The following ZNF385D variants were observed in gnomAD, a reference collection of about 807,000 sequenced individuals.
ZNF385D encodes zinc finger protein 659.
ZNF385D carries 15 observed loss-of-function variants against 35.8 expected under a neutral mutation model. The ratio of observed to expected loss-of-function variants is 0.42; its 90% CI spans 0.28 to 0.64. ZNF385D has a LOEUF of 0.64. ZNF385D is among the 30% of genes least tolerant of loss of function. The probability of loss-of-function intolerance (pLI) is 0.23; values close to 1 mark genes in which losing one functional copy is unlikely to be tolerated. For missense variants in ZNF385D, 474 were observed against 494.6 expected (o/e 0.96, Z 0.39); for synonymous variants, 212 against 186.8 (o/e 1.13, Z -1.10).
At chr3:21,768,122 T>C (rs2070911313) in intron 3 of ZNF385D, among the ~76,000 whole-genome samples, 1 of 152,072 alleles carries the variant, frequency 6.6e-6, no homozygotes, top group Admixed American at 6.6e-5. Flanking sequence ...CACAAATGAA[T>C]GCACTAAATG....
At position 21,864,851 on chromosome 3, in the gene ZNF385D, C is replaced by G. The variant is rs1214885403; in HGVS notation, c.326-199823G>C. On this transcript the variant is annotated intron_variant, in intron 3 of 5. Coordinates refer to the ZNF385D transcript ENST00000494108. ...ATATCATTCTTTATTATTCCAATAA[C>G]TCAGAAATGTAGGTCAAGTAAATAC... Among the ~76,000 whole-genome samples, 3 of 151,858 alleles carry G rather than the reference C, an allele frequency of 2.0e-5. No homozygotes were observed. The East Asian group carries it at 5.8e-4, about 29-fold the overall frequency.
intron 4 of ZNF385D, among the ~76,000 whole-genome samples, chr3:21,444,589 G>A (rs1303668894): frequency 2.6e-5 from 4 of 151,722 alleles, no homozygotes; most frequent in South Asian, 2.1e-4. Context: ...GTTTCACCAC[G>A]TTGGCCAGGC....
chr3:21,931,762 TATA>T (rs1250331444), intron 3 of ZNF385D, among the ~76,000 whole-genome samples: 1 of 152,154 alleles, frequency 6.6e-6, no homozygotes, highest in Non-Finnish European at 1.5e-5. Context: ...ACTAGATTGT[TATA>T]ATGTTTATAC....
chr3:21,657,688 A>G (rs1234611616), intron 2 of ZNF385D, among the ~76,000 whole-genome samples: 1 of 144,100 alleles, frequency 6.9e-6, no homozygotes, highest in Non-Finnish European at 1.5e-5. Context: ...CTGTCTAAGA[A>G]AGACAGGCTT....
At chr3:22,024,526 T>C (rs934868464) in intron 3 of ZNF385D, among the ~76,000 whole-genome samples, 3 of 152,160 alleles carry the variant, frequency 2.0e-5, no homozygotes, top group East Asian at 1.9e-4. Context: ...GGAGAACTAA[T>C]AGTATAATAG....
chr3:21,861,869 C>T (rs1697072429), intron 3 of ZNF385D, among the ~76,000 whole-genome samples: 1 of 152,062 alleles, frequency 6.6e-6, no homozygotes, highest in Non-Finnish European at 1.5e-5. Context: ...CTTTGACACA[C>T]ACAGTCACAA....
In ZNF385D at chr3:22,082,053, T is replaced by A. The variant is rs182404355; in HGVS notation, c.325+86764A>T. 3.2e-3 allele frequency among the ~76,000 whole-genome samples: 481 copies of A among 151,422 alleles called. 4 individuals are homozygous for A. The highest frequency in any genetic ancestry group is 4.9e-3 in the Non-Finnish European group (332 of 67,922). ...AATTAAATAACCAATAGAAATGACT[T>A]CGAACTGCAGTGTTAAGAATTTTCT... On this transcript the variant is annotated intron_variant, in intron 3 of 5. Coordinates refer to the ZNF385D transcript ENST00000494108.
chr3:22,095,333 A>T (rs999537502), intron 3 of ZNF385D, among the ~76,000 whole-genome samples: 1 of 151,658 alleles, frequency 6.6e-6, no homozygotes, highest in East Asian at 1.9e-4. Flanking sequence ...CTGCACATCT[A>T]TTTCTTTATC....
At chr3:22,079,497 T>C (rs1700634330) in intron 3 of ZNF385D, among the ~76,000 whole-genome samples, 1 of 151,932 alleles carries the variant, frequency 6.6e-6, no homozygotes. Context: ...GAGAGATTTC[T>C]GAAGTGAATT....
intron 2 of ZNF385D, among the ~76,000 whole-genome samples, chr3:22,333,456 A>AT (rs199607971): frequency 1.3e-5 from 2 of 151,226 alleles, no homozygotes; most frequent in African/African-American, 2.4e-5. Flanking sequence ...TGCTTTGTTC[A>AT]TTTTTTTTCT....
intron 2 of ZNF385D, among the ~76,000 whole-genome samples, chr3:22,233,178 GTAT>G (rs142946929): frequency 0.16 from 23,581 of 151,886 alleles, 1,885 homozygotes; most frequent in Middle Eastern, 0.23. Context: ...AGAAATCTAT[GTAT>G]TATTATAGCT....
At chr3:22,037,493 G>A (rs1186904191) in intron 3 of ZNF385D, among the ~76,000 whole-genome samples, 1 of 151,992 alleles carries the variant, frequency 6.6e-6, no homozygotes, top group Non-Finnish European at 1.5e-5. Context: ...CGTGTCTGTT[G>A]GCTGCATAAA....
intron 3 of ZNF385D, among the ~76,000 whole-genome samples, chr3:22,048,191 G>C (rs1373055537): frequency 6.6e-6 from 1 of 151,952 alleles, no homozygotes; most frequent in Non-Finnish European, 1.5e-5. Context: ...TCTGTAGGCT[G>C]TCTCTTTACT....
chr3:22,221,104 G>A (rs544287680), intron 2 of ZNF385D, among the ~76,000 whole-genome samples: 61 of 152,106 alleles, frequency 4.0e-4, no homozygotes, highest in Middle Eastern at 3.4e-3. Context: ...CTAGTTGGCA[G>A]TGATGTATGT....
intron 2 of ZNF385D, among the ~76,000 whole-genome samples, chr3:22,195,526 G>C (rs768071473): frequency 6.6e-6 from 1 of 151,672 alleles, no homozygotes. Flanking sequence ...AGATTTTCTC[G>C]TATATGTTCT....
intron 3 of ZNF385D, among the ~76,000 whole-genome samples, chr3:21,887,354 T>C (rs1299994376): frequency 6.0e-5 from 9 of 149,620 alleles, no homozygotes; most frequent in African/African-American, 2.3e-4. Context: ...ATTAATAAAA[T>C]AGTTTGTAAA....
chr3:21,583,117 A>G (rs1460317218), intron 2 of ZNF385D, among the ~76,000 whole-genome samples: 1 of 152,142 alleles, frequency 6.6e-6, no homozygotes, highest in African/African-American at 2.4e-5. Flanking sequence ...AATTTTTCGA[A>G]AAACACAAAA....
At position 21,600,268 on chromosome 3, in the gene ZNF385D, T is replaced by C. The variant is rs1207139021; in HGVS notation, c.166-35584A>G. ...CTCTACTTTCTTAATAAACTTGCTT[T>C]CACTTTATGAACTTGCCCTGAATTT... On this transcript the variant is annotated intron_variant, in intron 2 of 7. Coordinates refer to ENST00000281523, the MANE Select transcript of ZNF385D (RefSeq NM_024697.3). Among the ~76,000 whole-genome samples the C allele has an allele frequency of 2.0e-5, 3 of 152,186 alleles. No homozygotes were observed. In the East Asian group the frequency reaches 5.8e-4, roughly 29 times the overall value.
At chr3:22,033,654 A>C (rs1195437928) in intron 3 of ZNF385D, among the ~76,000 whole-genome samples, 1 of 152,108 alleles carries the variant, frequency 6.6e-6, no homozygotes, top group Non-Finnish European at 1.5e-5. Flanking sequence ...ATGAACTATC[A>C]CCAAAGAAAT....
Sources: gnomAD v4.1 joint callset for allele counts (sites outside exome capture counted in the v4.1 genomes callset) on GRCh38, gnomAD v4.1.1 for gene constraint, MANE v1.5 for transcripts, NCBI Gene and HGNC (gene_info 2026-07-23, HGNC 2026-07-21) for gene names.